The following YWHAZ variants were observed in gnomAD, a reference collection of about 807,000 sequenced individuals.
YWHAZ encodes tyrosine 3-monooxygenase/tryptophan 5-monooxygenase activation protein zeta.
For missense variants in YWHAZ, 79 were observed against 284.8 expected, an observed-to-expected ratio of 0.28 and a Z score of 5.20; for synonymous variants, 87 against 103.6, an observed-to-expected ratio of 0.84 and a Z score of 0.97.
chr8:100,930,034 A>T (rs182400103), intron 2 of YWHAZ, among the ~76,000 whole-genome samples: 7 of 152,350 alleles, frequency 4.6e-5, no homozygotes, highest in Admixed American at 4.6e-4. Context: ...GACTGAAATA[A>T]AGTCTGAAGT....
At chr8:100,944,576 T>G (rs1248422773) in intron 2 of YWHAZ, among the ~76,000 whole-genome samples, 1 of 152,226 alleles carries the variant, frequency 6.6e-6, no homozygotes, top group Non-Finnish European at 1.5e-5. Context: ...AAATGAAACC[T>G]TTGAAAATTT....
At chr8:100,952,622 C>T (rs996366325), upstream of YWHAZ, 33 of 288,256 alleles carry the variant, frequency 1.1e-4, no homozygotes, top group Non-Finnish European at 1.5e-4. Context: ...TAGTAACTGC[C>T]CCAGGGCCGT....
chr8:100,926,198 ATTTTT>A (rs55947914), intron 2 of YWHAZ, among the ~76,000 whole-genome samples: 2 of 142,028 alleles, frequency 1.4e-5, no homozygotes, highest in African/African-American at 5.2e-5. Flanking sequence ...TCTTCCCCCA[ATTTTT>A]TTTTTTTTTT....
intron 2 of YWHAZ, chr8:100,935,178 T>G (rs183667776): frequency 3.3e-4 from 50 of 152,274 alleles, no homozygotes; most frequent in Admixed American, 2.3e-3. Flanking sequence ...TTTTGCACCT[T>G]TAACTTTTCA....
In YWHAZ at chr8:100,918,443, T is replaced by TATATATATATAA. The variant is rs1417316114; in HGVS notation, c.*2249_*2250insTTATATATATAT. 6 of 117,060 alleles carry TATATATATATAA rather than the reference T, an allele frequency of 5.1e-5. No individual in the cohort carries two copies. The highest frequency in any genetic ancestry group is 3.0e-4 in the East Asian group (1 of 3,310). The allele number at this position is 117,060 out of a possible 1,614,324, so 7.3% of individuals were successfully genotyped here. ...ATATATATATATATATATATATATA[T>TATATATATATAA]AATTATTTTACCTCCTTGGCTTGGG... On this transcript the variant is annotated 3_prime_UTR_variant, in exon 6 of 6. Transcript: ENST00000395958.
intron 2 of YWHAZ, among the ~76,000 whole-genome samples, chr8:100,946,947 TCA>T (rs1013718569): frequency 6.7e-5 from 9 of 133,714 alleles, no homozygotes; most frequent in Admixed American, 6.5e-4. Flanking sequence ...AAAAAAAAAA[TCA>T]CATTTTCAAA....
At chr8:100,921,380 GC>G in intron 5 of YWHAZ, among the ~76,000 whole-genome samples, 1 of 152,088 alleles carries the variant, frequency 6.6e-6, no homozygotes, top group Non-Finnish European at 1.5e-5. Flanking sequence ...AACCTAAAGA[GC>G]CCCAATATGA....
Position 100,918,041 on chromosome 8 carries a change from C to T in YWHAZ, c.*2652G>A, listed in dbSNP as rs990522802. Reference sequence around the variant, plus strand: ...TGTGCCAAGTTTCAGGTTTTATTTACTTGAATAATATCACATCTCTACTGG... The same window carrying T: ...TGTGCCAAGTTTCAGGTTTTATTTATTTGAATAATATCACATCTCTACTGG... On this transcript the variant is annotated 3_prime_UTR_variant, in exon 6 of 6. Coordinates refer to ENST00000395958, the MANE Select transcript of YWHAZ (RefSeq NM_145690.3). 2 of 151,842 alleles carry T rather than the reference C, an allele frequency of 1.3e-5. No homozygotes were observed. Among genetic ancestry groups the T allele is most frequent in the African/African-American group, 4.8e-5 (2 of 41,352 alleles). The allele number at this position is 151,842 out of a possible 1,614,324, so 9.4% of individuals were successfully genotyped here. A position where few individuals can be genotyped will look rare whatever the true frequency, so the allele number is the denominator to read the frequency against.
At chr8:100,925,821 A>G (rs1389500998) in intron 2 of YWHAZ, among the ~76,000 whole-genome samples, 1 of 152,208 alleles carries the variant, frequency 6.6e-6, no homozygotes, top group African/African-American at 2.4e-5. Context: ...AAGCAAAAAG[A>G]TTAGATCATT....
intron 5 of YWHAZ, 77 bp downstream of exon 5, chr8:100,923,877 AT>A (rs1813191772): frequency 8.2e-7 from 1 of 1,220,344 alleles, no homozygotes; most frequent in Admixed American, 2.6e-5. Flanking sequence ...GATGTATTTA[AT>A]AAAAAAAAAA....
intron 2 of YWHAZ, among the ~76,000 whole-genome samples, chr8:100,938,804 C>T (rs1814394349): frequency 6.6e-6 from 1 of 152,210 alleles, no homozygotes; most frequent in Non-Finnish European, 1.5e-5. Context: ...TCCTCACTTG[C>T]TTTCAACCAA....
intron 2 of YWHAZ, among the ~76,000 whole-genome samples, chr8:100,932,613 C>T (rs1457576253): frequency 6.6e-6 from 1 of 152,010 alleles, no homozygotes; most frequent in Non-Finnish European, 1.5e-5. Flanking sequence ...TATCATTTTC[C>T]CTTAAAGTGA....
rs757053849 is a variant in YWHAZ at position 100,924,180 on chromosome 8, A to G, written c.537T>C (p.Tyr179=). The stretch of plus-strand genomic sequence containing the variant: ...CTTTCTCTGGGGAGTTCAGAATCTC[A>G]TAATAGAACACAGAGAAGTTAAGGG... The part of the protein sequence containing the change: ...GLALNFSVFY[Y]EILNSPEKAC... Residue 179 remains tyrosine, a synonymous_variant, in exon 4 of 6, where the codon TAT becomes TAC. Transcript: ENST00000395958. This position sits in a 1 kb window ranked among gnomAD's most constrained non-coding sequence, Gnocchi z 5.7. 3 of 1,613,822 alleles carry G rather than the reference A, an allele frequency of 1.9e-6. No homozygotes were observed. Among genetic ancestry groups the G allele is most frequent in the South Asian group, 2.2e-5 (2 of 91,036 alleles).
intron 2 of YWHAZ, among the ~76,000 whole-genome samples, chr8:100,934,196 T>C (rs182767301): frequency 3.8e-4 from 53 of 138,134 alleles, no homozygotes; most frequent in African/African-American, 1.4e-3. Context: ...ATTAGCCTAG[T>C]GTAGTGTGCA....
Position 100,924,402 on chromosome 8 carries a change from G to T in YWHAZ, c.419-104C>A, listed in dbSNP as rs958159052. The T allele has an allele frequency of 7.8e-6, 9 of 1,158,092 alleles. No homozygotes were observed. The Admixed American group carries it at 1.6e-4, about 21-fold the overall frequency. The allele number at this position is 1,158,092 out of a possible 1,614,324, so 71.7% of individuals were successfully genotyped here. A position where few individuals can be genotyped will look rare whatever the true frequency, so the allele number is the denominator to read the frequency against. On this transcript the variant is annotated intron_variant, in intron 3 of 5. Transcript: ENST00000395958. The surrounding 1 kb of genome is among the most constrained non-coding windows in gnomAD (Gnocchi z 5.7). ...CACATATCCTTTGAAATACTAACCT[G>T]TAACAGCTTAATATTTGTTAATTGA...
chr8:100,945,841 C>T (rs1810226433), intron 2 of YWHAZ, among the ~76,000 whole-genome samples: 1 of 152,028 alleles, frequency 6.6e-6, no homozygotes, highest in African/African-American at 2.4e-5. Flanking sequence ...GTGCTGCTGA[C>T]CTAATTCTAT....
chr8:100,927,003 G>A (rs769295843), intron 2 of YWHAZ, among the ~76,000 whole-genome samples: 19 of 152,160 alleles, frequency 1.2e-4, no homozygotes, highest in African/African-American at 3.1e-4. Context: ...ACTATACACC[G>A]TGTGAACTAC....
intron 2 of YWHAZ, among the ~76,000 whole-genome samples, chr8:100,947,159 CAGG>C (rs2130350074): frequency 6.7e-6 from 1 of 149,498 alleles, no homozygotes; most frequent in African/African-American, 2.5e-5. Flanking sequence ...GAGGCTGAGG[CAGG>C]AGAATGGCGT....
At chr8:100,929,898 T>C (rs1259136152) in intron 2 of YWHAZ, among the ~76,000 whole-genome samples, 2 of 151,938 alleles carry the variant, frequency 1.3e-5, no homozygotes, top group Admixed American at 6.6e-5. Flanking sequence ...AAGTAGAGAA[T>C]GGAAGGGAGG....
Sources: gnomAD v4.1 joint callset for allele counts (sites outside exome capture counted in the v4.1 genomes callset) on GRCh38, gnomAD v4.1.1 for gene constraint, Gnocchi (gnomAD v3.1) non-coding constraint, MANE v1.5 for transcripts, NCBI Gene and HGNC (gene_info 2026-07-23, HGNC 2026-07-21) for gene names.